Variants in GPR180 observed in about 807,000 individuals in gnomAD.
GPR180 encodes the protein G protein-coupled receptor 180, also known as integral membrane protein GPR180.
Under a neutral mutation model 52.6 loss-of-function variants are expected in GPR180, and 53 were observed. The ratio of observed to expected loss-of-function variants is 1.01; its 90% CI spans 0.81 to 1.27. The LOEUF (loss-of-function observed/expected upper bound fraction) is 1.27. Ranked by LOEUF, GPR180 falls within the 50% of genes most tolerant of loss-of-function variation. GPR180 has a pLI of 0.00. For synonymous variants in GPR180, 200 were observed against 193.1 expected, an observed-to-expected ratio of 1.04 and a Z score of -0.30; for missense variants, 533 against 527.0, an observed-to-expected ratio of 1.01 and a Z score of -0.11.
In GPR180 at chr13:94,602,076, G is replaced by A; in HGVS notation, c.145+4G>A. On this transcript the variant is annotated splice_donor_region_variant and intron_variant, in intron 1 of 8. Transcript: ENST00000376958. ...ATCGGCCACTTCGAGTTCCATGGTA[G>A]GTCTGGGGGCGGGGAGGGGGATGAA... 1 of 1,353,408 alleles carries A rather than the reference G, an allele frequency of 7.4e-7. No individual in the cohort carries two copies. Among genetic ancestry groups the A allele is most frequent in the Non-Finnish European group, 9.5e-7 (1 of 1,049,998 alleles). The allele number at this position is 1,353,408 out of a possible 1,614,324, so 83.8% of individuals were successfully genotyped here. A position where few individuals can be genotyped will look rare whatever the true frequency, so the allele number is the denominator to read the frequency against.
At position 94,629,498 on chromosome 13, in the gene GPR180, C is replaced by G. The variant is rs997910618; in HGVS notation, c.*2327C>G. On this transcript the variant is annotated 3_prime_UTR_variant, in exon 9 of 9. Coordinates refer to ENST00000376958, the MANE Select transcript of GPR180 (RefSeq NM_180989.6). Reference sequence around the variant, plus strand: ...TTATTACTCATCTCTATTGTGATAACCAGGCTCCCATTTAACTGAGTATAA... The same window carrying G: ...TTATTACTCATCTCTATTGTGATAAGCAGGCTCCCATTTAACTGAGTATAA... 5 of 152,102 alleles carry G rather than the reference C, an allele frequency of 3.3e-5. No homozygotes were observed. Among genetic ancestry groups the G allele is most frequent in the African/African-American group, 1.2e-4 (5 of 41,408 alleles). 9.4% of individuals were successfully genotyped at this position (152,102 alleles called of 1,614,324 possible).
intron 3 of GPR180, among the ~76,000 whole-genome samples, chr13:94,617,652 G>T (rs1889796141): frequency 1.3e-5 from 2 of 152,034 alleles, no homozygotes; most frequent in Non-Finnish European, 2.9e-5. Flanking sequence ...GCTATTTATT[G>T]ATTCTTATAA....
intron 5 of GPR180, 65 bp downstream of exon 5, chr13:94,619,582 C>G (rs1215653483): frequency 7.6e-7 from 1 of 1,314,328 alleles, no homozygotes; most frequent in Non-Finnish European, 1.1e-6. Flanking sequence ...TTTTTTATTT[C>G]TTGTCATAGT....
intron 3 of GPR180, among the ~76,000 whole-genome samples, chr13:94,614,576 A>G (rs1018622985): frequency 1.3e-5 from 2 of 152,076 alleles, no homozygotes; most frequent in Admixed American, 6.5e-5. Context: ...AACCTTGCCT[A>G]TGTCTTCCAG....
chr13:94,628,167 C>T lies in GPR180; in HGVS notation c.*996C>T, dbSNP rs1889950925. On this transcript the variant is annotated 3_prime_UTR_variant, in exon 9 of 9. Transcript: ENST00000376958. ...AAACACTCACTGGATTTGTTATAAT[C>T]CGTGTTGGCACTGGATTCTAAGTAG... is the stretch of plus-strand genomic sequence containing the variant. 1 of 152,486 alleles carries T rather than the reference C, an allele frequency of 6.6e-6. No homozygotes were observed. Among genetic ancestry groups the T allele is most frequent in the Non-Finnish European group, 1.5e-5 (1 of 67,936 alleles). The allele number at this position is 152,486 out of a possible 1,614,324, so 9.4% of individuals were successfully genotyped here.
At chr13:94,624,860 G>A (rs1889905120) in intron 7 of GPR180, among the ~76,000 whole-genome samples, 1 of 146,428 alleles carries the variant, frequency 6.8e-6, no homozygotes, top group African/African-American at 2.6e-5. Flanking sequence ...TTAAGATGGA[G>A]TTTCGCTCTT....
chr13:94,621,023 C>T lies in GPR180; in HGVS notation c.737-55C>T, dbSNP rs562765466. 1.4e-4 allele frequency: 209 copies of T among 1,484,240 alleles called. 1 individual carries two copies. Among genetic ancestry groups the T allele is most frequent in the Middle Eastern group, 9.1e-4 (4 of 4,392 alleles). 91.9% of individuals were successfully genotyped at this position (1,484,240 alleles called of 1,614,324 possible). On this transcript the variant is annotated intron_variant, in intron 5 of 8. Coordinates refer to ENST00000376958, the MANE Select transcript of GPR180 (RefSeq NM_180989.6). ...AAAGATGTTCTCAATGCAAAAAGCA[C>T]TAAATTTTTTATATTGTGAAAACTT...
intron 2 of GPR180, 37 bp downstream of exon 2, chr13:94,605,586 G>GT: frequency 6.4e-7 from 1 of 1,560,280 alleles, no homozygotes; most frequent in Non-Finnish European, 8.8e-7. Flanking sequence ...ATTAGATATA[G>GT]TTTTTTTCCT....
chr13:94,619,042 A>T, intron 3 of GPR180, 108 bp from the exon 4 acceptor site: 1 of 873,470 alleles, frequency 1.1e-6, no homozygotes, highest in Non-Finnish European at 1.7e-6. Flanking sequence ...CTATGACTCC[A>T]GTTAAAAAAC....
chr13:94,620,219 T>C (rs1429132786), intron 5 of GPR180, among the ~76,000 whole-genome samples: 1 of 152,216 alleles, frequency 6.6e-6, no homozygotes, highest in Non-Finnish European at 1.5e-5. Flanking sequence ...GAAGTTTTTC[T>C]TCCTATTATA....
intron 3 of GPR180, among the ~76,000 whole-genome samples, chr13:94,616,517 T>C (rs1329842761): frequency 6.6e-6 from 1 of 152,236 alleles, no homozygotes; most frequent in African/African-American, 2.4e-5. Context: ...AGCTGGCCTC[T>C]AAGTTTTCTT....
At chr13:94,626,968 C>T (rs1392956826) in intron 8 of GPR180, 45 bp from the exon 9 acceptor site, 16 of 1,353,302 alleles carry the variant, frequency 1.2e-5, no homozygotes, top group Non-Finnish European at 1.5e-5. Flanking sequence ...TATTATTTCT[C>T]TATTTCTGCA....
intron 1 of GPR180, 68 bp downstream of exon 1, chr13:94,602,140 G>C (rs1223815437): frequency 8.1e-7 from 1 of 1,238,268 alleles, no homozygotes; most frequent in Non-Finnish European, 1.0e-6. Flanking sequence ...TCCGCCGGCC[G>C]CTCCTCCCGG....
chr13:94,619,658 CCCATA>C, intron 5 of GPR180, 141 bp downstream of exon 5: 1 of 691,126 alleles, frequency 1.4e-6, no homozygotes, highest in South Asian at 1.9e-5. Flanking sequence ...AGTTTAAGTT[CCCATA>C]TGTCTTACTT....
At chr13:94,615,311 A>G (rs1440978750) in intron 3 of GPR180, among the ~76,000 whole-genome samples, 1 of 152,224 alleles carries the variant, frequency 6.6e-6, no homozygotes, top group Non-Finnish European at 1.5e-5. Flanking sequence ...TAGTTTGCCT[A>G]ATTATCTGCT....
rs745755127 is a variant in GPR180 at position 94,619,335 on chromosome 13, C to G, written c.686+5C>G. 1 of 1,613,252 alleles carries G rather than the reference C, an allele frequency of 6.2e-7. No homozygotes were observed. Among genetic ancestry groups the G allele is most frequent in the Admixed American group, 1.7e-5 (1 of 59,938 alleles). ...TAATTACATTCATTTCTCCAGGTAA[C>G]TCAAAACCACTAAAACTGTGTTCAT... is the stretch of plus-strand genomic sequence containing the variant. On this transcript the variant is annotated splice_donor_5th_base_variant and intron_variant, in intron 4 of 8. Coordinates refer to ENST00000376958, the MANE Select transcript of GPR180 (RefSeq NM_180989.6).
chr13:94,619,290 C>A lies in GPR180; in HGVS notation c.646C>A (p.Gln216Lys). 1.2e-6 allele frequency: 2 copies of A among 1,614,128 alleles called. No individual in the cohort carries two copies. Among genetic ancestry groups the A allele is most frequent in the South Asian group, 2.2e-5 (2 of 91,074 alleles). Residue 216 changes from glutamine (Q) to lysine (K), a missense_variant, in exon 4 of 9, where the codon CAA (glutamine) becomes AAA (lysine). Coordinates refer to ENST00000376958, the MANE Select transcript of GPR180 (RefSeq NM_180989.6). ...LKVLTTALLL[Q>K]AGSALANYIH... ...GGTTCTGACAACTGCATTGCTGTTACAAGCTGGTTCAGCTTTAGCTAATTA... is the reference window on the plus strand; with the variant it reads ...GGTTCTGACAACTGCATTGCTGTTAAAAGCTGGTTCAGCTTTAGCTAATTA...
chr13:94,610,883 A>G (rs1202907309), intron 2 of GPR180, among the ~76,000 whole-genome samples: 2 of 152,198 alleles, frequency 1.3e-5, no homozygotes, highest in African/African-American at 2.4e-5. Flanking sequence ...CCTGGAGGAA[A>G]GGAGATTACC....
intron 1 of GPR180, among the ~76,000 whole-genome samples, chr13:94,602,751 T>C (rs1193591917): frequency 6.6e-6 from 1 of 152,186 alleles, no homozygotes; most frequent in Admixed American, 6.5e-5. Context: ...GACCTTTTGG[T>C]CTTCCTCAAA....
Sources: allele counts gnomAD v4.1 joint callset (sites outside exome capture counted in the v4.1 genomes callset), GRCh38; gene constraint gnomAD v4.1.1; transcripts MANE v1.5; gene names NCBI Gene and HGNC (gene_info 2026-07-23, HGNC 2026-07-21).